The following FMN1 variants were observed in gnomAD, a reference collection of about 807,000 sequenced individuals.
FMN1 encodes the protein formin-1.
FMN1 carries 110 observed loss-of-function variants against 132.4 expected under a neutral mutation model. The ratio of observed to expected loss-of-function variants is 0.83; its 90% CI spans 0.71 to 0.97. The LOEUF is 0.97. Ranked by LOEUF, FMN1 falls within the 50% of genes least tolerant of loss-of-function variation. The pLI, the probability that FMN1 is intolerant of heterozygous loss-of-function variation, is 0.00. For missense variants in FMN1, 1,792 were observed against 1,705.3 expected (o/e 1.05, Z -0.90); for synonymous variants, 722 against 651.7 (o/e 1.11, Z -1.64).
At chr15:32,831,538 G>A (rs1226688610) in intron 17 of FMN1, among the ~76,000 whole-genome samples, 2 of 152,178 alleles carry the variant, frequency 1.3e-5, no homozygotes, top group Non-Finnish European at 2.9e-5. Context: ...GGGCTTTGCA[G>A]AGGCTGCAGG....
At chr15:33,186,906 A>T (rs1965908241) in intron 2 of FMN1, among the ~76,000 whole-genome samples, 8 of 152,046 alleles carry the variant, frequency 5.3e-5, no homozygotes, top group Admixed American at 4.6e-4. Flanking sequence ...AACTCCAGTG[A>T]CTCTTAGTCA....
rs16958734 is a variant in FMN1 at position 32,774,944 on chromosome 15, G to T, written c.4216-590C>A. On this transcript the variant is annotated intron_variant, in intron 20 of 20. Coordinates refer to ENST00000616417, the MANE Select transcript of FMN1 (RefSeq NM_001277313.2). ...GGACATGGACATCTGCTGGGAAGAC[G>T]TAAGAATACACAGGAGCACACTACA... Among the ~76,000 whole-genome samples, 4 of 152,042 alleles carry T rather than the reference G, an allele frequency of 2.6e-5. No homozygotes were observed. In the East Asian group the frequency reaches 7.7e-4, roughly 29 times the overall value.
At chr15:33,056,695 A>G (rs2037232180) in intron 6 of FMN1, among the ~76,000 whole-genome samples, 1 of 152,232 alleles carries the variant, frequency 6.6e-6, no homozygotes, top group Non-Finnish European at 1.5e-5. Flanking sequence ...AACTTTGAAC[A>G]ACATCAGTGT....
chr15:33,060,305 T>G (rs982583127), intron 6 of FMN1, among the ~76,000 whole-genome samples: 26 of 152,186 alleles, frequency 1.7e-4, no homozygotes, highest in Admixed American at 9.2e-4. Context: ...AAATTAAAAC[T>G]CAAATTATAG....
intron 10 of FMN1, among the ~76,000 whole-genome samples, chr15:32,917,499 T>A (rs576266163): frequency 1.6e-4 from 24 of 152,356 alleles, no homozygotes; most frequent in Non-Finnish European, 2.9e-4. Context: ...TAATACTTAA[T>A]AACTGATAGA....
intron 10 of FMN1, among the ~76,000 whole-genome samples, chr15:32,920,367 T>G (rs2060790415): frequency 6.6e-6 from 1 of 152,194 alleles, no homozygotes; most frequent in Admixed American, 6.6e-5. Flanking sequence ...GCAAGTGCTT[T>G]TGGTATTATG....
At chr15:32,950,820 G>A (rs1174315452) in intron 9 of FMN1, among the ~76,000 whole-genome samples, 5 of 152,080 alleles carry the variant, frequency 3.3e-5, no homozygotes, top group African/African-American at 7.2e-5. Context: ...AAACCTGCAC[G>A]TGTACCCCTG....
Position 32,829,538 on chromosome 15 carries a change from C to G in FMN1, c.3929-25206G>C, listed in dbSNP as rs541073321. On this transcript the variant is annotated intron_variant, in intron 17 of 20. Coordinates refer to ENST00000616417, the MANE Select transcript of FMN1 (RefSeq NM_001277313.2). The stretch of plus-strand genomic sequence containing the variant: ...TGGAGTAGAATGGTGGGAATCTAAT[C>G]AAGAGCCCGTGCCTTCCTTTGAGGC... 2.0e-4 allele frequency among the ~76,000 whole-genome samples: 31 copies of G among 152,278 alleles called. No homozygotes were observed. In the South Asian group the frequency reaches 2.9e-3, roughly 14 times the overall value.
chr15:32,935,113 G>C (rs780074967), intron 9 of FMN1, among the ~76,000 whole-genome samples: 15 of 151,862 alleles, frequency 9.9e-5, no homozygotes, highest in Non-Finnish European at 1.3e-4. Flanking sequence ...AGTAGAGATG[G>C]GGTTTCACCA....
intron 10 of FMN1, among the ~76,000 whole-genome samples, chr15:32,925,343 T>C (rs2060933638): frequency 6.6e-6 from 1 of 152,238 alleles, no homozygotes; most frequent in Non-Finnish European, 1.5e-5. Flanking sequence ...ATGCACTTCT[T>C]GATAGAAAAC....
At chr15:33,012,160 T>C (rs1596467443) in intron 6 of FMN1, 2 of 527,014 alleles carry the variant, frequency 3.8e-6, no homozygotes. Flanking sequence ...TGAACAGCTG[T>C]GGAAGCTCCT....
Position 32,921,183 on chromosome 15 carries a change from T to C in FMN1, c.3226+4991A>G, listed in dbSNP as rs548862807. Among the ~76,000 whole-genome samples, 6 of 152,230 alleles carry C rather than the reference T, an allele frequency of 3.9e-5. No homozygotes were observed. In the South Asian group the frequency reaches 1.2e-3, roughly 32 times the overall value. On this transcript the variant is annotated intron_variant, in intron 10 of 20. Coordinates refer to ENST00000616417, the MANE Select transcript of FMN1 (RefSeq NM_001277313.2). ...GTGGGAGGACCTAGGCAGGCTCTCC[T>C]AGGAGGTGACATTTAAGCTGAAACC...
At chr15:32,793,666 T>C (rs2057171315) in intron 19 of FMN1, among the ~76,000 whole-genome samples, 2 of 152,238 alleles carry the variant, frequency 1.3e-5, no homozygotes, top group Non-Finnish European at 2.9e-5. Context: ...CATTTTCAAA[T>C]GTGATTTAGG....
chr15:32,861,347 C>T (rs150839241), intron 16 of FMN1, among the ~76,000 whole-genome samples: 68 of 152,254 alleles, frequency 4.5e-4, no homozygotes, highest in Non-Finnish European at 4.1e-4. Context: ...TGCAGCTCTC[C>T]CTTTGTGCTA....
In FMN1 at chr15:33,064,959, G is replaced by A; in HGVS notation, c.2159C>T (p.Ala720Val). The stretch of plus-strand genomic sequence containing the variant: ...TCCCTAGCTTCCTTTCACATTACCT[G>A]CTTCAGTGTACTTCAGTCCCACTTT... ...EEKVGLKYTE[A>V]EYQAAILHLK... Residue 720 changes from alanine (A) to valine (V), a missense_variant and splice_region_variant, in exon 6 of 21, where the codon GCA (alanine) becomes GTA (valine). Physicochemically the swap from Ala to Val is moderately conservative, Grantham distance 64. Around this residue, in one of 3 missense-constraint regions of FMN1, gnomAD observed 1,150 missense variants for 1,043.1 expected, o/e 1.10. Transcript: ENST00000616417. 6.2e-7 allele frequency: 1 copy of A among 1,603,746 alleles called. No homozygotes were observed. Among genetic ancestry groups the A allele is most frequent in the South Asian group, 1.1e-5 (1 of 89,466 alleles).
Position 32,883,509 on chromosome 15 carries a change from C to CAAAAAAAAAAAAAAAAAAA in FMN1, c.3835+4644_3835+4662dup, listed in dbSNP as rs60737133. ...TGGGCAATAGAGCAAGAACCTATCT[C>CAAAAAAAAAAAAAAAAAAA]AAAAAAAAAAAAAAAAAAAAAAAAA... is the stretch of plus-strand genomic sequence containing the variant. On this transcript the variant is annotated intron_variant, in intron 16 of 20. Coordinates refer to ENST00000616417, the MANE Select transcript of FMN1 (RefSeq NM_001277313.2). 1.9e-4 allele frequency among the ~76,000 whole-genome samples: 5 copies of CAAAAAAAAAAAAAAAAAAA among 25,920 alleles called. 1 individual carries two copies. Among genetic ancestry groups the CAAAAAAAAAAAAAAAAAAA allele is most frequent in the East Asian group, 8.8e-4 (1 of 1,134 alleles). 17.0% of individuals were successfully genotyped at this position (25,920 alleles called of 152,430 possible).
At chr15:33,183,634 G>A (rs1053194807) in intron 2 of FMN1, among the ~76,000 whole-genome samples, 2 of 152,122 alleles carry the variant, frequency 1.3e-5, no homozygotes, top group Admixed American at 6.5e-5. Flanking sequence ...TCAAATTGGT[G>A]GGTTGACATT....
In FMN1 at chr15:32,901,834, G is replaced by C. The variant is rs2060304062; in HGVS notation, c.3507+77C>G. Reference sequence around the variant, plus strand: ...TGAGTCCAAAAAGGTTTCTATAATGGCATTAAAGTGGTCTCTCCCACTTTC... The same window carrying C: ...TGAGTCCAAAAAGGTTTCTATAATGCCATTAAAGTGGTCTCTCCCACTTTC... On this transcript the variant is annotated intron_variant, in intron 13 of 20. Coordinates refer to ENST00000616417, the MANE Select transcript of FMN1 (RefSeq NM_001277313.2). 5 of 1,236,264 alleles carry C rather than the reference G, an allele frequency of 4.0e-6. No homozygotes were observed. In the East Asian group the frequency reaches 1.3e-4, roughly 31 times the overall value. The allele number at this position is 1,236,264 out of a possible 1,614,324, so 76.6% of individuals were successfully genotyped here.
At chr15:32,943,502 C>T (rs985299923) in intron 9 of FMN1, among the ~76,000 whole-genome samples, 4 of 152,136 alleles carry the variant, frequency 2.6e-5, no homozygotes, top group Non-Finnish European at 5.9e-5. Flanking sequence ...TAACAGTCAT[C>T]CCACTTCTAA....
Sources: allele counts gnomAD v4.1 joint callset (sites outside exome capture counted in the v4.1 genomes callset), GRCh38; gene constraint gnomAD v4.1.1; regional missense constraint gnomAD v4.1.1; transcripts MANE v1.5; gene names NCBI Gene and HGNC (gene_info 2026-07-23, HGNC 2026-07-21).